The following AGMO variants were observed in gnomAD, a reference collection of about 807,000 sequenced individuals.
The protein encoded by AGMO is alkylglycerol monooxygenase.
AGMO carries 75 observed loss-of-function variants against 60.2 expected under a neutral mutation model. The ratio of observed to expected loss-of-function variants is 1.25; its 90% CI spans 1.03 to 1.51. The LOEUF (loss-of-function observed/expected upper bound fraction) is 1.51, where lower values mean the gene tolerates loss of function less well. AGMO is among the 40% of genes most tolerant of loss of function. The pLI, the probability that AGMO is intolerant of heterozygous loss-of-function variation, is 0.00. For synonymous variants in AGMO, 261 were observed against 177.1 expected, an observed-to-expected ratio of 1.47 and a Z score of -3.76; for missense variants, 763 against 525.5, an observed-to-expected ratio of 1.45 and a Z score of -4.42.
chr7:15,441,606 A>C (rs1367070035), intron 3 of AGMO, among the ~76,000 whole-genome samples: 1 of 152,184 alleles, frequency 6.6e-6, no homozygotes, highest in Non-Finnish European at 1.5e-5. Flanking sequence ...AACTGTCTTG[A>C]TGTCAATAGA....
intron 3 of AGMO, among the ~76,000 whole-genome samples, chr7:15,529,656 CTATATATAT>C (rs1784240363): frequency 3.7e-5 from 1 of 27,096 alleles, no homozygotes; most frequent in African/African-American, 2.1e-4. Flanking sequence ...ACTATATATT[CTATATATAT>C]TCTATATATA....
At chr7:15,342,715 TCATTA>T (rs1485658882) in intron 12 of AGMO, among the ~76,000 whole-genome samples, 1 of 142,734 alleles carries the variant, frequency 7.0e-6, no homozygotes, top group Non-Finnish European at 1.5e-5. Context: ...AACTGTCATC[TCATTA>T]ATTTTCTGAT....
At chr7:15,353,087 T>C (rs560743633) in intron 12 of AGMO, among the ~76,000 whole-genome samples, 1 of 152,194 alleles carries the variant, frequency 6.6e-6, no homozygotes, top group Admixed American at 6.6e-5. Flanking sequence ...TGATTATTTT[T>C]AAAAAGGTGG....
the AGMO span, among the ~76,000 whole-genome samples, chr7:15,164,807 G>C: frequency 6.6e-6 from 1 of 152,060 alleles, no homozygotes. Flanking sequence ...GAAATGTAAA[G>C]TACAACCTCT....
chr7:15,234,637 A>G (rs1782365636), intron 12 of AGMO, among the ~76,000 whole-genome samples: 1 of 152,192 alleles, frequency 6.6e-6, no homozygotes, highest in African/African-American at 2.4e-5. Flanking sequence ...CAGCTAGTAA[A>G]TATTTCAGGC....
At chr7:15,213,825 A>T (rs1781662469) in intron 12 of AGMO, among the ~76,000 whole-genome samples, 1 of 152,154 alleles carries the variant, frequency 6.6e-6, no homozygotes, top group East Asian at 1.9e-4. Context: ...CAGTAGCAAT[A>T]ACTCTTATGA....
chr7:15,371,714 ATT>A (rs35427826), intron 10 of AGMO, among the ~76,000 whole-genome samples: 27 of 151,194 alleles, frequency 1.8e-4, no homozygotes, highest in African/African-American at 5.6e-4. Flanking sequence ...TGATTTTTGT[ATT>A]TTTTTTTGTA....
At chr7:15,535,751 G>T (rs1784470021) in intron 3 of AGMO, among the ~76,000 whole-genome samples, 1 of 151,770 alleles carries the variant, frequency 6.6e-6, no homozygotes, top group Admixed American at 6.6e-5. Flanking sequence ...TAAAAAATTG[G>T]ATATCCATCA....
At chr7:15,323,245 G>A (rs1781237634) in intron 12 of AGMO, among the ~76,000 whole-genome samples, 1 of 152,034 alleles carries the variant, frequency 6.6e-6, no homozygotes, top group Non-Finnish European at 1.5e-5. Flanking sequence ...ACCATGAGCA[G>A]TTACAATTTG....
At chr7:15,545,053 T>G in intron 2 of AGMO, 130 bp from the exon 3 acceptor site, 2 of 596,652 alleles carry the variant, frequency 3.4e-6, no homozygotes, top group South Asian at 1.2e-4. Flanking sequence ...CTACTTTGTG[T>G]CTTCTATGTC....
At chr7:15,338,806 C>A (rs191825792) in intron 12 of AGMO, among the ~76,000 whole-genome samples, 1 of 152,190 alleles carries the variant, frequency 6.6e-6, no homozygotes, top group Admixed American at 6.5e-5. Context: ...TGCAGCATTT[C>A]AATGTTACCT....
chr7:15,186,664 T>G, the AGMO span, among the ~76,000 whole-genome samples: 2 of 152,330 alleles, frequency 1.3e-5, no homozygotes, highest in East Asian at 1.9e-4. Context: ...TTGTTTTTAA[T>G]ATAAATTTTA....
At chr7:15,490,179 A>G (rs1783035082) in intron 3 of AGMO, among the ~76,000 whole-genome samples, 1 of 152,172 alleles carries the variant, frequency 6.6e-6, no homozygotes, top group Non-Finnish European at 1.5e-5. Context: ...TCAGATGGGA[A>G]AAGCTTGCTC....
At chr7:15,323,457 T>C (rs1368195797) in intron 12 of AGMO, among the ~76,000 whole-genome samples, 5 of 152,174 alleles carry the variant, frequency 3.3e-5, no homozygotes, top group Non-Finnish European at 7.3e-5. Context: ...AAATACAGTG[T>C]ATACAATAAA....
chr7:15,178,095 A>G, the AGMO span, among the ~76,000 whole-genome samples: 1 of 152,170 alleles, frequency 6.6e-6, no homozygotes, highest in Non-Finnish European at 1.5e-5. Flanking sequence ...AGTAGTAGTT[A>G]GCGTTATCCT....
At chr7:15,312,944 C>A (rs1245169755) in intron 12 of AGMO, among the ~76,000 whole-genome samples, 1 of 152,112 alleles carries the variant, frequency 6.6e-6, no homozygotes, top group Non-Finnish European at 1.5e-5. Context: ...GCTGGGATTA[C>A]AGACATGAGC....
intron 2 of AGMO, among the ~76,000 whole-genome samples, chr7:15,556,854 A>T (rs530261632): frequency 6.6e-6 from 1 of 152,200 alleles, no homozygotes; most frequent in East Asian, 1.9e-4. Flanking sequence ...ATATATTTTT[A>T]TAAGTAGGAC....
intron 12 of AGMO, among the ~76,000 whole-genome samples, chr7:15,286,133 C>T (rs1332608715): frequency 6.6e-6 from 1 of 151,756 alleles, no homozygotes; most frequent in East Asian, 1.9e-4. Context: ...TATAAAATAG[C>T]CTAGAAAAAA....
chr7:15,350,057 T>G lies in AGMO; in HGVS notation c.1263+15457A>C, dbSNP rs527338154. On this transcript the variant is annotated intron_variant, in intron 12 of 12. Transcript: ENST00000342526. ...TCTTAAACACTGATTATTCTCTTGA[T>G]TTCACAAATCATGAAACTGAGAATT... Among the ~76,000 whole-genome samples, 3 of 152,284 alleles carry G rather than the reference T, an allele frequency of 2.0e-5. No individual in the cohort carries two copies. In the South Asian group the frequency reaches 6.2e-4, roughly 32 times the overall value.
Sources: allele counts gnomAD v4.1 joint callset (sites outside exome capture counted in the v4.1 genomes callset), GRCh38; gene constraint gnomAD v4.1.1; transcripts MANE v1.5; gene names NCBI Gene and HGNC (gene_info 2026-07-23, HGNC 2026-07-21).